SLC15A1: variants seen among roughly 807,000 people sequenced by gnomAD.
SLC15A1 encodes the protein Caco-2 oligopeptide transporter.
In SLC15A1, 83 loss-of-function variants were observed where a neutral mutation model predicts 92.9. That is an observed-to-expected ratio of 0.89 (90% CI 0.75 to 1.07). The LOEUF (loss-of-function observed/expected upper bound fraction) is 1.07, where lower values mean the gene tolerates loss of function less well. SLC15A1 is among the 50% of genes least tolerant of loss of function. SLC15A1 has a pLI of 0.00. For missense variants in SLC15A1, 857 were observed against 880.1 expected (o/e 0.97, Z 0.33); for synonymous variants, 322 against 318.2 (o/e 1.01, Z -0.13).
intron 18 of SLC15A1, among the ~76,000 whole-genome samples, chr13:98,700,261 A>T: frequency 6.6e-6 from 1 of 151,904 alleles, no homozygotes; most frequent in African/African-American, 2.4e-5. Context: ...CTGGGGTGGG[A>T]GGATTGCTTC....
chr13:98,740,750 C>T (rs755556327), intron 1 of SLC15A1, among the ~76,000 whole-genome samples: 10 of 152,204 alleles, frequency 6.6e-5, no homozygotes, highest in Non-Finnish European at 1.3e-4. Flanking sequence ...CACCAGGCTT[C>T]ACTGTCACTG....
At chr13:98,748,257 A>C (rs541494431) in intron 1 of SLC15A1, among the ~76,000 whole-genome samples, 1 of 151,810 alleles carries the variant, frequency 6.6e-6, no homozygotes, top group African/African-American at 2.4e-5. Flanking sequence ...TTCATTTCTC[A>C]CTCCTATTCA....
intron 10 of SLC15A1, among the ~76,000 whole-genome samples, 157 bp downstream of exon 10, chr13:98,712,340 TA>T (rs373928723): frequency 0.035 from 5,332 of 152,240 alleles, 182 homozygotes; most frequent in African/African-American, 0.086. Context: ...TTCTTTCAAT[TA>T]AAAAAATGCA....
At chr13:98,720,044 T>C (rs959162517) in intron 7 of SLC15A1, among the ~76,000 whole-genome samples, 2 of 152,242 alleles carry the variant, frequency 1.3e-5, no homozygotes, top group Non-Finnish European at 2.9e-5. Context: ...TTCTATGGAA[T>C]GCTGGCGCCT....
chr13:98,706,293 T>C (rs372918558), intron 15 of SLC15A1, 40 bp from the exon 16 acceptor site: 4 of 1,603,628 alleles, frequency 2.5e-6, no homozygotes, highest in African/African-American at 2.7e-5. Flanking sequence ...AGGTCTTCAA[T>C]ACAACATGGA....
At chr13:98,726,504 C>A in intron 2 of SLC15A1, 55 bp from the exon 3 acceptor site, 2 of 1,515,252 alleles carry the variant, frequency 1.3e-6, no homozygotes, top group Non-Finnish European at 1.8e-6. Flanking sequence ...TGGTCCATAG[C>A]CACAAAGGAG....
chr13:98,706,151 G>A lies in SLC15A1; in HGVS notation c.1252C>T (p.Leu418Phe). 1 of 1,611,532 alleles carries A rather than the reference G, an allele frequency of 6.2e-7. No homozygotes were observed. Among genetic ancestry groups the A allele is most frequent in the South Asian group, 1.1e-5 (1 of 90,212 alleles). Residue 418 changes from leucine to phenylalanine, a missense_variant, in exon 16 of 23, where the codon CTT (leucine) becomes TTT (phenylalanine). Coordinates refer to ENST00000376503, the MANE Select transcript of SLC15A1 (RefSeq NM_005073.4). ...CTACTTACTTGAGACATTGGGCCAA[G>A]TGTCACCATCTCTCCAGGAAGAGAT... is the stretch of plus-strand genomic sequence containing the variant. The part of the protein sequence containing the change: ...NISLPGEMVT[L>F]GPMSQTNAFM...
intron 8 of SLC15A1, among the ~76,000 whole-genome samples, chr13:98,717,876 G>A (rs962929493): frequency 6.6e-6 from 1 of 152,118 alleles, no homozygotes; most frequent in African/African-American, 2.4e-5. Flanking sequence ...GGTGGCCGCT[G>A]GGCTGTTTTC....
intron 1 of SLC15A1, among the ~76,000 whole-genome samples, chr13:98,727,471 A>G (rs924044916): frequency 6.7e-6 from 1 of 149,204 alleles, no homozygotes; most frequent in African/African-American, 2.4e-5. Flanking sequence ...CATCACACCA[A>G]CATCCCCACT....
At chr13:98,702,577 T>C (rs760598796) in intron 17 of SLC15A1, 48 bp from the exon 18 acceptor site, 73 of 1,387,800 alleles carry the variant, frequency 5.3e-5, no homozygotes, top group Non-Finnish European at 7.5e-5. Flanking sequence ...ATAATATTCA[T>C]TAGAATGAGT....
chr13:98,721,469 A>G (rs1490886617), intron 7 of SLC15A1, 26 bp downstream of exon 7: 1 of 1,550,740 alleles, frequency 6.4e-7, no homozygotes. Flanking sequence ...AAAGACCAAC[A>G]GAAGTTCCTT....
intron 1 of SLC15A1, among the ~76,000 whole-genome samples, chr13:98,739,950 G>C (rs1439083735): frequency 6.6e-6 from 1 of 152,124 alleles, no homozygotes; most frequent in Admixed American, 6.5e-5. Flanking sequence ...GGGGACCCCT[G>C]GCAGAGGTGA....
chr13:98,752,355 G>A (rs966716719), intron 1 of SLC15A1, among the ~76,000 whole-genome samples: 2 of 152,084 alleles, frequency 1.3e-5, no homozygotes, highest in African/African-American at 2.4e-5. Context: ...GGCGGGCCAG[G>A]ATCGCAACCT....
chr13:98,731,346 T>C (rs2088349046), intron 1 of SLC15A1, among the ~76,000 whole-genome samples: 1 of 152,204 alleles, frequency 6.6e-6, no homozygotes, highest in Non-Finnish European at 1.5e-5. Flanking sequence ...GCGTGTGTTT[T>C]GCAAGCTCGG....
chr13:98,743,677 C>T (rs975586939), intron 1 of SLC15A1, among the ~76,000 whole-genome samples: 61 of 152,168 alleles, frequency 4.0e-4, no homozygotes, highest in African/African-American at 1.5e-3. Flanking sequence ...AGATGATTTT[C>T]CTGGCTGTTA....
At chr13:98,743,261 C>T (rs1033066777) in intron 1 of SLC15A1, among the ~76,000 whole-genome samples, 2 of 152,168 alleles carry the variant, frequency 1.3e-5, no homozygotes, top group African/African-American at 4.8e-5. Context: ...CCACAATAGT[C>T]ACAACTTACT....
At chr13:98,696,444 A>T (rs1424634492) in intron 18 of SLC15A1, among the ~76,000 whole-genome samples, 1 of 151,698 alleles carries the variant, frequency 6.6e-6, no homozygotes, top group Non-Finnish European at 1.5e-5. Context: ...AAAAAAACCC[A>T]ACAACAAAAA....
intron 1 of SLC15A1, among the ~76,000 whole-genome samples, chr13:98,731,596 C>T (rs1161354919): frequency 6.6e-6 from 1 of 152,106 alleles, no homozygotes; most frequent in African/African-American, 2.4e-5. Flanking sequence ...AGAGAGAGCC[C>T]GGGGCTTCAT....
At chr13:98,703,539 CTTTTTTTTTTTTTTTTT>C (rs771426478) in intron 17 of SLC15A1, among the ~76,000 whole-genome samples, 80 of 85,546 alleles carry the variant, frequency 9.4e-4, no homozygotes, top group South Asian at 8.9e-3. Context: ...GCTGCTGCTG[CTTTTTTTTTTTTTTTTT>C]TTTTTTTTTT....
Sources: gnomAD v4.1 joint callset for allele counts (sites outside exome capture counted in the v4.1 genomes callset) on GRCh38, gnomAD v4.1.1 for gene constraint, MANE v1.5 for transcripts, NCBI Gene and HGNC (gene_info 2026-07-23, HGNC 2026-07-21) for gene names.